The following TMEM39B variants were observed in gnomAD, a reference collection of about 807,000 sequenced individuals.
The protein encoded by TMEM39B is transmembrane protein 39B.
A neutral mutation model predicts 52.2 loss-of-function variants in TMEM39B; 23 were observed. That is an observed-to-expected ratio of 0.44 (90% confidence interval 0.32 to 0.62). The LOEUF (loss-of-function observed/expected upper bound fraction) is 0.62, where lower values mean the gene tolerates loss of function less well. Among genes scored for constraint, TMEM39B ranks in the 20% least tolerant of loss-of-function variants. The pLI is 0.06. For missense variants in TMEM39B, 547 were observed against 642.0 expected (o/e 0.85, Z 1.60); for synonymous variants, 285 against 264.0 (o/e 1.08, Z -0.77).
At chr1:32,085,360 T>G (rs1049566568) in intron 5 of TMEM39B, among the ~76,000 whole-genome samples, 1 of 152,158 alleles carries the variant, frequency 6.6e-6, no homozygotes, top group Non-Finnish European at 1.5e-5. Context: ...ATCTTCTAGC[T>G]TTTTTACTGA....
At chr1:32,102,008 C>T (rs1448480956) in intron 8 of TMEM39B, among the ~76,000 whole-genome samples, 1 of 152,072 alleles carries the variant, frequency 6.6e-6, no homozygotes, top group Non-Finnish European at 1.5e-5. Flanking sequence ...CTAATTTGTT[C>T]AGGCCCAGCA....
intron 5 of TMEM39B, among the ~76,000 whole-genome samples, chr1:32,080,063 T>C (rs1466587192): frequency 6.6e-6 from 1 of 151,950 alleles, no homozygotes; most frequent in Non-Finnish European, 1.5e-5. Context: ...CAATTTTTTG[T>C]ATTCTTAGTA....
At chr1:32,073,210 G>T in intron 1 of TMEM39B, 159 bp downstream of exon 1, 1 of 893,278 alleles carries the variant, frequency 1.1e-6, no homozygotes, top group African/African-American at 1.8e-5. Context: ...TCGTTTTGCG[G>T]GGTGGGGCCT....
At position 32,091,862 on chromosome 1, in the gene TMEM39B, C is replaced by T; in HGVS notation, c.778C>T (p.Pro260Ser). 1 of 1,614,214 alleles carries T rather than the reference C, an allele frequency of 6.2e-7. No individual in the cohort carries two copies. The highest frequency in any genetic ancestry group is 1.1e-5 in the South Asian group (1 of 91,084). Residue 260 changes from proline (P) to serine (S), a missense_variant, in exon 6 of 9, where the codon CCC becomes TCC. Coordinates refer to ENST00000336294, the MANE Select transcript of TMEM39B (RefSeq NM_018056.4). ...ACAGCTGTATGGCCCGGACGCCATG[C>T]CCACCCATGCCTGCTGCCTGTCACC... ...TRQLYGPDAM[P>S]THACCLSPSL...
intron 3 of TMEM39B, 43 bp downstream of exon 3, chr1:32,075,865 C>CGTGTGTGTGTATGTGT: frequency 1.2e-6 from 1 of 828,346 alleles, no homozygotes; most frequent in Non-Finnish European, 1.7e-6. Flanking sequence ...TGTGTGTGTG[C>CGTGTGTGTGTATGTGT]GTGTGTGTGT....
chr1:32,087,461 T>C (rs1640406420), intron 5 of TMEM39B: 1 of 149,196 alleles, frequency 6.7e-6, no homozygotes, highest in African/African-American at 2.5e-5. Flanking sequence ...CCGTCTCTAC[T>C]AAAAACACAA....
At chr1:32,075,192 G>A (rs371867246) in intron 2 of TMEM39B, 115 bp downstream of exon 2, 2 of 1,402,040 alleles carry the variant, frequency 1.4e-6, no homozygotes, top group Non-Finnish European at 1.9e-6. Flanking sequence ...GGGGCTTAGA[G>A]GGGAGTAAGC....
chr1:32,083,076 GTTTT>G (rs763745093), intron 5 of TMEM39B, among the ~76,000 whole-genome samples: 2 of 85,872 alleles, frequency 2.3e-5, no homozygotes, highest in East Asian at 3.8e-4. Flanking sequence ...GCCCAGCCTG[GTTTT>G]TTTTTTTTTT....
intron 1 of TMEM39B, among the ~76,000 whole-genome samples, chr1:32,074,183 A>G (rs1161607490): frequency 1.3e-5 from 2 of 152,138 alleles, no homozygotes; most frequent in Non-Finnish European, 2.9e-5. Context: ...TCTCCCAGCC[A>G]TATCCTTGAC....
At chr1:32,088,333 T>C (rs1277214031) in intron 5 of TMEM39B, among the ~76,000 whole-genome samples, 83 of 135,388 alleles carry the variant, frequency 6.1e-4, no homozygotes, top group Middle Eastern at 5.4e-3. Context: ...AGGAGAATGG[T>C]GTGAACCTGG....
intron 7 of TMEM39B, among the ~76,000 whole-genome samples, chr1:32,098,158 C>T (rs114873208): frequency 0.084 from 12,674 of 151,612 alleles, 743 homozygotes; most frequent in South Asian, 0.25. Flanking sequence ...CACCATGCCC[C>T]GCTAATTTTT....
intron 5 of TMEM39B, among the ~76,000 whole-genome samples, chr1:32,079,443 C>CA (rs994437674): frequency 8.5e-5 from 13 of 152,208 alleles, no homozygotes; most frequent in Admixed American, 7.2e-4. Flanking sequence ...CTCGGCCTCC[C>CA]AAAGTGCTGG....
intron 5 of TMEM39B, among the ~76,000 whole-genome samples, chr1:32,091,295 GTGT>G (rs1640591523): frequency 6.6e-6 from 1 of 152,060 alleles, no homozygotes; most frequent in Non-Finnish European, 1.5e-5. Flanking sequence ...CTAATGAATA[GTGT>G]TGTTATGAGA....
At chr1:32,092,146 T>A in intron 6 of TMEM39B, 135 bp downstream of exon 6, 1 of 790,592 alleles carries the variant, frequency 1.3e-6, no homozygotes, top group Non-Finnish European at 2.0e-6. Context: ...CTGGAGTGAC[T>A]ACTATCTCCA....
At chr1:32,078,105 C>T (rs1569864041) in intron 5 of TMEM39B, among the ~76,000 whole-genome samples, 1 of 152,106 alleles carries the variant, frequency 6.6e-6, no homozygotes, top group Admixed American at 6.6e-5. Flanking sequence ...GCTGGCACCT[C>T]CCCCTTTCTA....
rs761514591 is a variant in TMEM39B, at chr1:32,091,880, C to T, written c.796C>T (p.Leu266=). Residue 266 remains leucine (L), a synonymous_variant, in exon 6 of 9, where the codon CTG becomes TTG. Coordinates refer to ENST00000336294, the MANE Select transcript of TMEM39B (RefSeq NM_018056.4). ...CGCCATGCCCACCCATGCCTGCTGC[C>T]TGTCACCCAGCCTCATCCGCAGTGA... ...PDAMPTHACC[L]SPSLIRSEVE... 1.1e-5 allele frequency: 17 copies of T among 1,614,146 alleles called. No homozygotes were observed. The highest frequency in any genetic ancestry group is 1.4e-5 in the Non-Finnish European group (17 of 1,180,062).
At chr1:32,098,978 C>A (rs762047162) in intron 7 of TMEM39B, among the ~76,000 whole-genome samples, 1 of 152,236 alleles carries the variant, frequency 6.6e-6, no homozygotes, top group South Asian at 2.1e-4. Flanking sequence ...GGGCCAGGCA[C>A]GGTGGCTCAT....
At chr1:32,087,398 CG>C (rs2124465789) in intron 5 of TMEM39B, 1 of 149,428 alleles carries the variant, frequency 6.7e-6, no homozygotes, top group East Asian at 2.0e-4. Context: ...CCAAAGCGAG[CG>C]GATCACCTGA....
At position 32,099,698 on chromosome 1, in the gene TMEM39B, G is replaced by A. The variant is rs564169572; in HGVS notation, c.1116-744G>A. Among the ~76,000 whole-genome samples the A allele has an allele frequency of 2.0e-5, 3 of 152,282 alleles. No homozygotes were observed. The South Asian group carries it at 6.2e-4, about 32-fold the overall frequency. On this transcript the variant is annotated intron_variant, in intron 7 of 8. Transcript: ENST00000336294. ...GTGGGAAGCCACACAAGACCTCAGA[G>A]GCCATGTCAAATCCTTGGGGCCTTG...
Sources: gnomAD v4.1 joint callset for allele counts (sites outside exome capture counted in the v4.1 genomes callset) on GRCh38, gnomAD v4.1.1 for gene constraint, MANE v1.5 for transcripts, NCBI Gene and HGNC (gene_info 2026-07-23, HGNC 2026-07-21) for gene names.